Variants in FER observed in about 807,000 individuals in gnomAD.
FER encodes the protein FER tyrosine kinase, also known as tyrosine-protein kinase Fer.
Under a neutral mutation model 111.0 loss-of-function variants are expected in FER, and 63 were observed. The observed-to-expected ratio is 0.57, with a 90% CI of 0.46 to 0.70. The LOEUF is 0.70. Among genes scored for constraint, FER ranks in the 30% least tolerant of loss-of-function variants. FER has a pLI of 0.00. For synonymous variants in FER, 327 were observed against 313.9 expected, an observed-to-expected ratio of 1.04 and a Z score of -0.44; for missense variants, 914 against 954.0, an observed-to-expected ratio of 0.96 and a Z score of 0.55.
At chr5:109,089,775 A>G (rs1317229753) in intron 16 of FER, among the ~76,000 whole-genome samples, 5 of 152,284 alleles carry the variant, frequency 3.3e-5, no homozygotes, top group South Asian at 2.1e-4. Context: ...GAAGAGAATG[A>G]AATGTTTAGC....
At chr5:108,832,971 C>T (rs1317026885) in intron 4 of FER, 28 bp downstream of exon 4, 1 of 1,511,074 alleles carries the variant, frequency 6.6e-7, no homozygotes, top group African/African-American at 1.4e-5. Context: ...GAAGTTCTTT[C>T]TTGAAATTGT....
At chr5:109,086,240 T>A (rs1367950308) in intron 16 of FER, among the ~76,000 whole-genome samples, 1 of 151,522 alleles carries the variant, frequency 6.6e-6, no homozygotes, top group Non-Finnish European at 1.5e-5. Context: ...TTTTTTATTT[T>A]ATCTTGTGTT....
chr5:108,892,802 T>A (rs1317021021), intron 9 of FER, among the ~76,000 whole-genome samples: 4 of 152,186 alleles, frequency 2.6e-5, no homozygotes, highest in African/African-American at 7.2e-5. Flanking sequence ...TGGTGTTAGG[T>A]CTAACGTTTA....
intron 9 of FER, among the ~76,000 whole-genome samples, chr5:108,892,127 C>T (rs1182119429): frequency 1.3e-5 from 2 of 152,030 alleles, no homozygotes; most frequent in East Asian, 1.9e-4. Context: ...AATAAACATA[C>T]GTGTGCATGT....
chr5:109,147,913 C>T lies in FER; in HGVS notation c.2049-32834C>T, dbSNP rs192590527. The stretch of plus-strand genomic sequence containing the variant: ...TCCAAATAAGTTTGTTCTTTTTTTC[C>T]ATTGACCAATCACTTTCGTAACTAG... On this transcript the variant is annotated intron_variant, in intron 17 of 19. Coordinates refer to ENST00000281092, the MANE Select transcript of FER (RefSeq NM_005246.4). 2.8e-3 allele frequency among the ~76,000 whole-genome samples: 418 copies of T among 150,740 alleles called. 4 individuals are homozygous for T. The highest frequency in any genetic ancestry group is 3.9e-3 in the Non-Finnish European group (264 of 67,606).
chr5:109,147,798 T>TAG (rs1477541042), intron 17 of FER, among the ~76,000 whole-genome samples: 2,162 of 116,576 alleles, frequency 0.019, 22 homozygotes, highest in East Asian at 0.04. Context: ...TATATATATA[T>TAG]ATAGAGAGAG....
At chr5:108,931,330 T>C (rs985645186) in intron 10 of FER, among the ~76,000 whole-genome samples, 2 of 152,156 alleles carry the variant, frequency 1.3e-5, no homozygotes, top group African/African-American at 4.8e-5. Context: ...TATTTTTTTT[T>C]CCGTGTATTT....
At chr5:109,102,379 G>A (rs1471760016) in intron 17 of FER, among the ~76,000 whole-genome samples, 1 of 152,016 alleles carries the variant, frequency 6.6e-6, no homozygotes, top group Non-Finnish European at 1.5e-5. Flanking sequence ...TGACAAATAG[G>A]TTTCAACACT....
At chr5:109,042,149 C>A (rs529151360) in intron 14 of FER, among the ~76,000 whole-genome samples, 2 of 152,136 alleles carry the variant, frequency 1.3e-5, no homozygotes, top group Admixed American at 1.3e-4. Context: ...TCTGAGGGGG[C>A]TGGAGAGGGA....
intron 17 of FER, among the ~76,000 whole-genome samples, chr5:109,138,141 G>A (rs980414572): frequency 1.3e-5 from 2 of 152,168 alleles, no homozygotes; most frequent in Non-Finnish European, 2.9e-5. Flanking sequence ...GAAAAGGAGG[G>A]TGGGAGAAAG....
intron 2 of FER, among the ~76,000 whole-genome samples, chr5:108,771,367 T>TTATC (rs1752882399): frequency 6.6e-6 from 1 of 152,232 alleles, no homozygotes; most frequent in South Asian, 2.1e-4. Context: ...TTGCATATGG[T>TTATC]TATCTTTTGA....
intron 13 of FER, among the ~76,000 whole-genome samples, chr5:108,970,484 T>A (rs1451479075): frequency 6.6e-6 from 1 of 152,168 alleles, no homozygotes; most frequent in Non-Finnish European, 1.5e-5. Flanking sequence ...CCTCCCAAAG[T>A]GCTGGGATTA....
intron 8 of FER, among the ~76,000 whole-genome samples, chr5:108,872,715 G>C (rs1764715586): frequency 6.6e-6 from 1 of 152,030 alleles, no homozygotes; most frequent in Admixed American, 6.6e-5. Context: ...AATATTAAAG[G>C]AATTTTGAGA....
At position 109,191,566 on chromosome 5, in the gene FER, CAT is replaced by C. The variant is rs1003526780; in HGVS notation, c.*3992_*3993del. ...CAGAGAGACAGACAGTTGGAAAAGA[CAT>C]GTTTTCTTTAGGTATTAATATCTTA... On this transcript the variant is annotated 3_prime_UTR_variant, in exon 20 of 20. Coordinates refer to ENST00000281092, the MANE Select transcript of FER (RefSeq NM_005246.4). 4 of 152,076 alleles carry C rather than the reference CAT, an allele frequency of 2.6e-5. No individual in the cohort carries two copies. Among genetic ancestry groups the C allele is most frequent in the African/African-American group, 9.7e-5 (4 of 41,434 alleles). 9.4% of individuals were successfully genotyped at this position (152,076 alleles called of 1,614,324 possible).
At chr5:108,754,406 C>CA (rs34475850) in intron 1 of FER, among the ~76,000 whole-genome samples, 5,045 of 86,200 alleles carry the variant, frequency 0.059, 196 homozygotes, top group African/African-American at 0.084. Context: ...GTCCCTGTCT[C>CA]AAAAAAAAAA....
intron 10 of FER, among the ~76,000 whole-genome samples, chr5:108,940,383 C>A (rs74818846): frequency 3.9e-5 from 6 of 151,972 alleles, no homozygotes; most frequent in Non-Finnish European, 8.8e-5. Context: ...AAATTTATAT[C>A]CAGGTTGGAT....
At chr5:109,142,926 T>G (rs530627850) in intron 17 of FER, among the ~76,000 whole-genome samples, 2 of 152,148 alleles carry the variant, frequency 1.3e-5, no homozygotes, top group Non-Finnish European at 2.9e-5. Flanking sequence ...TTTTACCTCT[T>G]CAATGTTAGG....
At chr5:109,078,546 A>G (rs1258324084) in intron 16 of FER, among the ~76,000 whole-genome samples, 3 of 152,192 alleles carry the variant, frequency 2.0e-5, no homozygotes, top group Non-Finnish European at 2.9e-5. Flanking sequence ...GTTTACCTCA[A>G]GAAAGAGGAA....
At chr5:108,750,388 AGT>A (rs1750345082) in intron 1 of FER, among the ~76,000 whole-genome samples, 1 of 152,176 alleles carries the variant, frequency 6.6e-6, no homozygotes, top group Non-Finnish European at 1.5e-5. Context: ...GGGAAAGCAG[AGT>A]GTATCTTTTT....
Sources: gnomAD v4.1 joint callset for allele counts (sites outside exome capture counted in the v4.1 genomes callset) on GRCh38, gnomAD v4.1.1 for gene constraint, MANE v1.5 for transcripts, NCBI Gene and HGNC (gene_info 2026-07-23, HGNC 2026-07-21) for gene names.